Variants in GRPEL1 observed in about 807,000 individuals in gnomAD.
GRPEL1 encodes the protein GrpE like 1, mitochondrial, also known as grpE protein homolog 1, mitochondrial.
A neutral mutation model predicts 22.1 loss-of-function variants in GRPEL1; 13 were observed. The observed-to-expected ratio is 0.59, with a 90% confidence interval of 0.38 to 0.94. The LOEUF is 0.94. GRPEL1 is among the 40% of genes least tolerant of loss of function. GRPEL1 has a pLI of 0.00. For missense variants in GRPEL1, 289 were observed against 264.6 expected (o/e 1.09, Z -0.64); for synonymous variants, 109 against 105.3 (o/e 1.03, Z -0.21).
At position 7,060,582 on chromosome 4, in the gene GRPEL1, G is replaced by C. The variant is rs1293244816; in HGVS notation, c.*280C>G. The C allele has an allele frequency of 6.5e-6, 3 of 462,628 alleles. No homozygotes were observed. The highest frequency in any genetic ancestry group is 5.8e-5 in the African/African-American group (3 of 51,418). The allele number at this position is 462,628 out of a possible 1,614,324, so 28.7% of individuals were successfully genotyped here. ...CTTTGGTGTCAGCAGAGTCTGAGCA[G>C]ACACGTTACTCATGATGCTCGGGAG... On this transcript the variant is annotated 3_prime_UTR_variant, in exon 4 of 4. Coordinates refer to ENST00000264954, the MANE Select transcript of GRPEL1 (RefSeq NM_025196.4).
chr4:7,067,204 G>A (rs1724189213), intron 1 of GRPEL1, among the ~76,000 whole-genome samples: 1 of 151,968 alleles, frequency 6.6e-6, no homozygotes, highest in African/African-American at 2.4e-5. Flanking sequence ...GCAAGTACTT[G>A]CCATACTAAC....
Position 7,062,427 on chromosome 4 carries a change from G to T in GRPEL1, c.265C>A (p.Arg89=). ...TCCACCAATTTCTGGCTCCTCTGCCGTAAGTTCTCAGTGTCTGCCAAAGCT... is the reference window on the plus strand; with the variant it reads ...TCCACCAATTTCTGGCTCCTCTGCCTTAAGTTCTCAGTGTCTGCCAAAGCT... ...KRALADTENL[R]QRSQKLVEEA... is the part of the protein sequence containing the mutation. The change falls in exon 3 of 4, where the codon CGG becomes AGG. Residue 89 remains arginine, a synonymous_variant. Coordinates refer to ENST00000264954, the MANE Select transcript of GRPEL1 (RefSeq NM_025196.4). The T allele has an allele frequency of 6.3e-7, 1 of 1,596,410 alleles. No homozygotes were observed. The highest frequency in any genetic ancestry group is 8.6e-7 in the Non-Finnish European group (1 of 1,168,828).
Position 7,060,719 on chromosome 4 carries a change from G to T in GRPEL1, c.*143C>A, listed in dbSNP as rs1724020995. 2.7e-6 allele frequency: 2 copies of T among 753,492 alleles called. No homozygotes were observed. The highest frequency in any genetic ancestry group is 1.7e-5 in the African/African-American group (1 of 57,430). 46.7% of individuals were successfully genotyped at this position (753,492 alleles called of 1,614,324 possible). Reference sequence around the variant, plus strand: ...AGTTCATTAATGCAGTTGGGCAACCGGCTTTTCTGTTTAGCCACTGGTTAC... The same window carrying T: ...AGTTCATTAATGCAGTTGGGCAACCTGCTTTTCTGTTTAGCCACTGGTTAC... On this transcript the variant is annotated 3_prime_UTR_variant, in exon 4 of 4. Transcript: ENST00000264954.
At chr4:7,061,743 T>C (rs1724045620) in intron 3 of GRPEL1, 2 of 155,302 alleles carry the variant, frequency 1.3e-5, no homozygotes, top group South Asian at 3.8e-4. Context: ...GGAAAAAAAG[T>C]GTTTCAATGA....
intron 1 of GRPEL1, among the ~76,000 whole-genome samples, chr4:7,067,711 C>T (rs1191945274): frequency 6.6e-6 from 1 of 152,266 alleles, no homozygotes; most frequent in African/African-American, 2.4e-5. Flanking sequence ...ACCTTCCGAG[C>T]CAAACGCCCC....
chr4:7,064,498 TATCTATCTATCTATAC>T (rs1465801948), intron 1 of GRPEL1, among the ~76,000 whole-genome samples: 1 of 152,178 alleles, frequency 6.6e-6, no homozygotes, highest in Non-Finnish European at 1.5e-5. Context: ...TCTCTCTATA[TATCTATCTATCTATAC>T]ATCTATCTAT....
intron 1 of GRPEL1, among the ~76,000 whole-genome samples, chr4:7,064,495 A>C (rs993470183): frequency 2.0e-5 from 3 of 152,134 alleles, no homozygotes; most frequent in South Asian, 2.1e-4. Context: ...GTCTCTCTCT[A>C]TATATCTATC....
rs1439808425 is a variant in GRPEL1, at chr4:7,059,894, C to A, written c.*968G>T. 6.6e-6 allele frequency: 1 copy of A among 152,178 alleles called. No homozygotes were observed. Among genetic ancestry groups the A allele is most frequent in the African/African-American group, 2.4e-5 (1 of 41,438 alleles). The allele number at this position is 152,178 out of a possible 1,614,324, so 9.4% of individuals were successfully genotyped here. A position where few individuals can be genotyped will look rare whatever the true frequency, so the allele number is the denominator to read the frequency against. On this transcript the variant is annotated 3_prime_UTR_variant, in exon 4 of 4. Transcript: ENST00000264954. ...CTGCACTGGGGGAGTGTGGCTCTCC[C>A]TTTCTGTGTAGAAGCCTGTATATGT...
At position 7,062,475 on chromosome 4, in the gene GRPEL1, GAAAAA is replaced by G. The variant is rs1724062378; in HGVS notation, c.226-14_226-10del. On this transcript the variant is annotated splice_polypyrimidine_tract_variant and intron_variant, in intron 2 of 3. Coordinates refer to ENST00000264954, the MANE Select transcript of GRPEL1 (RefSeq NM_025196.4). ...GCTCGTTTATATTTTTCCTAAAAGA[GAAAAA>G]AAGGGATATTTATATATATATATAT... is the stretch of plus-strand genomic sequence containing the variant. 2 of 1,228,208 alleles carry G rather than the reference GAAAAA, an allele frequency of 1.6e-6. No individual in the cohort carries two copies. Among genetic ancestry groups the G allele is most frequent in the African/African-American group, 1.7e-5 (1 of 59,270 alleles). The allele number at this position is 1,228,208 out of a possible 1,614,324, so 76.1% of individuals were successfully genotyped here.
At chr4:7,067,946 C>T (rs1357140972) in intron 1 of GRPEL1, 25 bp downstream of exon 1, 2 of 1,612,056 alleles carry the variant, frequency 1.2e-6, no homozygotes, top group Admixed American at 1.7e-5. Flanking sequence ...GCCACCTCCA[C>T]CCAGGGAGAC....
intron 2 of GRPEL1, among the ~76,000 whole-genome samples, chr4:7,063,365 G>A (rs1286602494): frequency 1.3e-5 from 2 of 152,090 alleles, no homozygotes; most frequent in African/African-American, 4.8e-5. Context: ...CTATCAGAGG[G>A]GTAAGCCACT....
chr4:7,063,561 G>C (rs1243271042), intron 2 of GRPEL1, among the ~76,000 whole-genome samples: 1 of 152,210 alleles, frequency 6.6e-6, no homozygotes, highest in Non-Finnish European at 1.5e-5. Flanking sequence ...TATGTAACGG[G>C]TTTGGAATGG....
rs374845101 is a variant in GRPEL1 at position 7,064,105 on chromosome 4, G to C, written c.181C>G (p.Leu61Val). 6.2e-7 allele frequency: 1 copy of C among 1,614,208 alleles called. No homozygotes were observed. Reference protein sequence around the residue: ...ADPPATEKTLLEEKVKLEEQL... With the variant: ...ADPPATEKTLVEEKVKLEEQL... ...TCCTCCAACTTGACCTTCTCTTCCA[G>C]GAGGGTCTTCTCTGTAGCAGGAGGA... Residue 61 changes from leucine to valine, a missense_variant, in exon 2 of 4, where the codon CTG becomes GTG. Leu to Val is a conservative substitution (Grantham distance 32). Coordinates refer to ENST00000264954, the MANE Select transcript of GRPEL1 (RefSeq NM_025196.4).
At chr4:7,067,049 C>G (rs1305798564) in intron 1 of GRPEL1, among the ~76,000 whole-genome samples, 1 of 152,240 alleles carries the variant, frequency 6.6e-6, no homozygotes, top group East Asian at 1.9e-4. Flanking sequence ...AGCACTTACC[C>G]CTTAATCACC....
At chr4:7,062,835 CAA>C (rs1229414921) in intron 2 of GRPEL1, among the ~76,000 whole-genome samples, 1 of 152,032 alleles carries the variant, frequency 6.6e-6, no homozygotes, top group Admixed American at 6.6e-5. Context: ...TAATATGGAA[CAA>C]AGTCATAGGA....
At chr4:7,062,788 A>G (rs913211818) in intron 2 of GRPEL1, among the ~76,000 whole-genome samples, 4 of 152,078 alleles carry the variant, frequency 2.6e-5, no homozygotes, top group Non-Finnish European at 5.9e-5. Flanking sequence ...CTGGGATTAC[A>G]GGTGTGGGCC....
chr4:7,067,013 G>A (rs559984338), intron 1 of GRPEL1, among the ~76,000 whole-genome samples: 1 of 152,330 alleles, frequency 6.6e-6, no homozygotes, highest in South Asian at 2.1e-4. Flanking sequence ...TGGCTCCTGT[G>A]TTGTTAAGAT....
Position 7,059,398 on chromosome 4 carries a change from C to T in GRPEL1, c.*1464G>A, listed in dbSNP as rs1723982529. 1.3e-5 allele frequency: 2 copies of T among 152,188 alleles called. 1 individual carries two copies. Among genetic ancestry groups the T allele is most frequent in the Admixed American group, 1.3e-4 (2 of 15,282 alleles). The allele number at this position is 152,188 out of a possible 1,614,324, so 9.4% of individuals were successfully genotyped here. A position where few individuals can be genotyped will look rare whatever the true frequency, so the allele number is the denominator to read the frequency against. ...TGAGTTGATAAATTACTTTTCTTAG[C>T]CTCCATTTAACTCGGGAGCTCCAGG... On this transcript the variant is annotated 3_prime_UTR_variant, in exon 4 of 4. Transcript: ENST00000264954.
At chr4:7,065,906 T>C (rs1416314567) in intron 1 of GRPEL1, among the ~76,000 whole-genome samples, 1 of 148,418 alleles carries the variant, frequency 6.7e-6, no homozygotes, top group Admixed American at 6.9e-5. Context: ...CAGGCTGGAG[T>C]GCAGTGGTGC....
Sources: gnomAD v4.1 joint callset for allele counts (sites outside exome capture counted in the v4.1 genomes callset) on GRCh38, gnomAD v4.1.1 for gene constraint, MANE v1.5 for transcripts, NCBI Gene and HGNC (gene_info 2026-07-23, HGNC 2026-07-21) for gene names.